FBXW10B: variants seen among roughly 807,000 people sequenced by gnomAD.
FBXW10B encodes the protein F-box and WD repeat domain containing protein 10B.
chr17:15,587,223 G>C, the FBXW10B span, among the ~76,000 whole-genome samples: 1 of 150,986 alleles, frequency 6.6e-6, no homozygotes, highest in African/African-American at 2.5e-5. Context: ...ATTATTGAGG[G>C]TGCCTGAGTG....
the FBXW10B span, chr17:15,588,744 T>G: frequency 1.3e-6 from 1 of 741,826 alleles, no homozygotes; most frequent in Non-Finnish European, 2.4e-6. Flanking sequence ...AGATCAGTGC[T>G]GCCTCTACTG....
At chr17:15,572,167 A>G in the FBXW10B span, 2 of 150,662 alleles carry the variant, frequency 1.3e-5, no homozygotes, top group Non-Finnish European at 2.9e-5. Flanking sequence ...AGTCTGTTTT[A>G]GACTAGATTT....
At chr17:15,570,677 T>A in the FBXW10B span, among the ~76,000 whole-genome samples, 1 of 152,214 alleles carries the variant, frequency 6.6e-6, no homozygotes, top group African/African-American at 2.4e-5. Flanking sequence ...ATTGTTTATG[T>A]GGAAAATTCA....
chr17:15,603,216 G>A, the FBXW10B span, among the ~76,000 whole-genome samples: 1 of 151,598 alleles, frequency 6.6e-6, no homozygotes, highest in Admixed American at 6.6e-5. Flanking sequence ...CAAAATTCAT[G>A]TAGATACTAT....
At chr17:15,604,598 G>A in the FBXW10B span, among the ~76,000 whole-genome samples, 1 of 152,042 alleles carries the variant, frequency 6.6e-6, no homozygotes, top group African/African-American at 2.4e-5. Flanking sequence ...GCAGTGGCGC[G>A]ATCTCGGCTC....
chr17:15,579,426 G>C, the FBXW10B span, among the ~76,000 whole-genome samples: 1 of 152,032 alleles, frequency 6.6e-6, no homozygotes, highest in Non-Finnish European at 1.5e-5. Context: ...AAGATTCTGG[G>C]GAGACATTTT....
chr17:15,581,002 C>T, the FBXW10B span, among the ~76,000 whole-genome samples: 3 of 152,140 alleles, frequency 2.0e-5, no homozygotes, highest in African/African-American at 2.4e-5. Flanking sequence ...CAAGATCACA[C>T]GGCTAAACAA....
At chr17:15,567,145 G>A in the FBXW10B span, among the ~76,000 whole-genome samples, 2 of 151,638 alleles carry the variant, frequency 1.3e-5, no homozygotes, top group African/African-American at 2.4e-5. Flanking sequence ...GGTGGCAGGC[G>A]CCTGTAATCC....
the FBXW10B span, among the ~76,000 whole-genome samples, chr17:15,579,763 T>C: frequency 3.2e-4 from 49 of 150,874 alleles, no homozygotes; most frequent in African/African-American, 1.2e-3. Flanking sequence ...TATTTAAAAG[T>C]CAGGTAATTT....
chr17:15,611,344 T>C, the FBXW10B span, among the ~76,000 whole-genome samples: 1 of 152,218 alleles, frequency 6.6e-6, no homozygotes, highest in Non-Finnish European at 1.5e-5. Flanking sequence ...TTCTTTGGCC[T>C]ATGTAGTTTT....
chr17:15,565,879 C>G, the FBXW10B span: 1 of 1,611,770 alleles, frequency 6.2e-7, no homozygotes, highest in Non-Finnish European at 8.5e-7. Flanking sequence ...GGGACCCGTA[C>G]TGCACACAGC....
the FBXW10B span, among the ~76,000 whole-genome samples, chr17:15,580,355 C>CA: frequency 5.3e-4 from 81 of 152,088 alleles, no homozygotes; most frequent in Non-Finnish European, 1.0e-3. Context: ...GAATCACTCA[C>CA]AGAGATTATT....
At chr17:15,600,620 G>A in the FBXW10B span, among the ~76,000 whole-genome samples, 1 of 151,898 alleles carries the variant, frequency 6.6e-6, no homozygotes, top group Non-Finnish European at 1.5e-5. Context: ...AGAAACTGTA[G>A]ATGTATTCCC....
chr17:15,606,208 C>T, the FBXW10B span, among the ~76,000 whole-genome samples: 1 of 141,304 alleles, frequency 7.1e-6, no homozygotes, highest in African/African-American at 2.7e-5. Flanking sequence ...GGGTTACAGG[C>T]ATGAGCCACC....
At chr17:15,568,985 A>G in the FBXW10B span, 5 of 1,225,610 alleles carry the variant, frequency 4.1e-6, no homozygotes, top group East Asian at 6.3e-5. Flanking sequence ...CCCTCCTTCC[A>G]TCTGTCTTCC....
the FBXW10B span, among the ~76,000 whole-genome samples, chr17:15,584,635 T>A: frequency 6.6e-6 from 1 of 152,226 alleles, no homozygotes; most frequent in East Asian, 1.9e-4. Flanking sequence ...TGTGGGCTCC[T>A]CGTGCCAGAA....
chr17:15,615,848 T>G, the FBXW10B span: 3 of 1,611,870 alleles, frequency 1.9e-6, no homozygotes, highest in South Asian at 2.2e-5. Context: ...GCTCTTGAAG[T>G]GGGTGTGTTG....
the FBXW10B span, among the ~76,000 whole-genome samples, chr17:15,593,102 C>CA: frequency 0.18 from 22,527 of 125,058 alleles, 2,038 homozygotes; most frequent in African/African-American, 0.29. Context: ...AACTATGTCT[C>CA]AAAAAAAAAA....
At chr17:15,572,775 G>A in the FBXW10B span, 4 of 151,026 alleles carry the variant, frequency 2.6e-5, no homozygotes, top group Non-Finnish European at 4.4e-5. Context: ...ACTATAAATA[G>A]AAAGGCCAGT....
Sources: allele counts gnomAD v4.1 joint callset (sites outside exome capture counted in the v4.1 genomes callset), GRCh38; gene constraint gnomAD v4.1.1; transcripts MANE v1.5; gene names NCBI Gene and HGNC (gene_info 2026-07-23, HGNC 2026-07-21).